Variants in SCG5 observed in about 807,000 individuals in gnomAD.
The protein encoded by SCG5 is neuroendocrine protein 7B2.
Under a neutral mutation model 25.7 loss-of-function variants are expected in SCG5, and 18 were observed. The observed-to-expected ratio is 0.70, with a 90% CI of 0.48 to 1.04. The LOEUF (loss-of-function observed/expected upper bound fraction) is 1.04. SCG5 is among the 50% of genes least tolerant of loss of function. The pLI is 0.00. For missense variants in SCG5, 206 were observed against 259.8 expected (o/e 0.79, Z 1.42); for synonymous variants, 101 against 91.7 (o/e 1.10, Z -0.58).
At chr15:32,665,673 T>G (rs963637868) in intron 2 of SCG5, 1 of 152,194 alleles carries the variant, frequency 6.6e-6, no homozygotes, top group Non-Finnish European at 1.5e-5. Flanking sequence ...TCGTGGCAGT[T>G]TCACTGTCTT....
At chr15:32,679,984 C>A in intron 3 of SCG5, 69 bp downstream of exon 3, 1 of 1,368,702 alleles carries the variant, frequency 7.3e-7, no homozygotes, top group Non-Finnish European at 1.0e-6. Context: ...ATTCTAACAT[C>A]AGCTACAAAT....
intron 2 of SCG5, among the ~76,000 whole-genome samples, chr15:32,672,462 C>T (rs2054445530): frequency 6.6e-6 from 1 of 152,212 alleles, no homozygotes; most frequent in Non-Finnish European, 1.5e-5. Context: ...GAGGTGGGCA[C>T]TCAGGTGCGA....
At chr15:32,651,899 G>T (rs2054036399) in intron 2 of SCG5, among the ~76,000 whole-genome samples, 1 of 152,200 alleles carries the variant, frequency 6.6e-6, no homozygotes, top group South Asian at 2.1e-4. Context: ...GAGAAGTCTG[G>T]GAGAAGGAAG....
intron 5 of SCG5, among the ~76,000 whole-genome samples, chr15:32,692,759 T>C (rs1286343002): frequency 3.3e-5 from 5 of 152,224 alleles, no homozygotes. Flanking sequence ...GTGGCCATTC[T>C]GAAGGGTTTT....
At chr15:32,663,031 GAA>G (rs1491170579) in intron 2 of SCG5, among the ~76,000 whole-genome samples, 31 of 44,802 alleles carry the variant, frequency 6.9e-4, no homozygotes, top group Admixed American at 1.2e-3. Flanking sequence ...TAAAAAAAAA[GAA>G]TATATATATA....
chr15:32,659,127 G>A (rs1216707442), intron 2 of SCG5, among the ~76,000 whole-genome samples: 1 of 152,070 alleles, frequency 6.6e-6, no homozygotes, highest in Non-Finnish European at 1.5e-5. Context: ...AGTGAGCCGA[G>A]ATGGCGCCAC....
intron 3 of SCG5, among the ~76,000 whole-genome samples, chr15:32,683,267 T>C (rs1353264874): frequency 2.0e-5 from 3 of 152,122 alleles, no homozygotes; most frequent in Non-Finnish European, 4.4e-5. Flanking sequence ...CCTTTCAGCA[T>C]TGACTTTGAT....
At chr15:32,650,895 A>G (rs2054021702) in intron 2 of SCG5, among the ~76,000 whole-genome samples, 1 of 152,160 alleles carries the variant, frequency 6.6e-6, no homozygotes, top group Admixed American at 6.5e-5. Context: ...CATATTGCCA[A>G]ACATTAAAAT....
intron 2 of SCG5, among the ~76,000 whole-genome samples, chr15:32,667,345 T>A (rs1191251368): frequency 2.7e-5 from 4 of 150,580 alleles, no homozygotes; most frequent in Non-Finnish European, 4.5e-5. Flanking sequence ...TTTTTAAAGA[T>A]AAGTTTGGTG....
chr15:32,643,647 T>A lies in SCG5; in HGVS notation c.55T>A (p.Ser19Thr). ...MLSGLLFWLA[S>T]GWTPAFAYSP... ...ATCTGGCCTACTGTTTTGGCTGGCA[T>A]CTGGATGGACTCCAGCATTTGCTTA... The change falls in exon 2 of 6, where the codon TCT (serine) becomes ACT (threonine). Residue 19 changes from serine to threonine, a missense_variant. Ser to Thr is a moderately conservative substitution (Grantham distance 58, BLOSUM62 1). Transcript: ENST00000300175. 6.2e-7 allele frequency: 1 copy of A among 1,614,012 alleles called. No homozygotes were observed. Among genetic ancestry groups the A allele is most frequent in the Non-Finnish European group, 8.5e-7 (1 of 1,179,896 alleles).
chr15:32,681,379 C>G (rs1344959743), intron 3 of SCG5, among the ~76,000 whole-genome samples: 1 of 152,040 alleles, frequency 6.6e-6, no homozygotes, highest in African/African-American at 2.4e-5. Flanking sequence ...AGACTCAAAC[C>G]CAAGTCTACC....
chr15:32,671,007 C>G (rs372225079), intron 2 of SCG5, among the ~76,000 whole-genome samples: 12 of 152,130 alleles, frequency 7.9e-5, no homozygotes, highest in African/African-American at 2.7e-4. Flanking sequence ...TTATTACATA[C>G]CAGGTACTGA....
At chr15:32,683,340 A>G in intron 3 of SCG5, among the ~76,000 whole-genome samples, 1 of 152,098 alleles carries the variant, frequency 6.6e-6, no homozygotes, top group East Asian at 1.9e-4. Context: ...AAAATTCACA[A>G]TCCCTCCTCT....
intron 4 of SCG5, 33 bp from the exon 5 acceptor site, chr15:32,691,677 T>C: frequency 1.3e-6 from 2 of 1,546,728 alleles, no homozygotes; most frequent in Non-Finnish European, 1.8e-6. Context: ...TCCATACTTC[T>C]GCATTTTTTG....
chr15:32,643,986 C>A (rs2053906253), intron 2 of SCG5, among the ~76,000 whole-genome samples, 168 bp downstream of exon 2: 1 of 152,288 alleles, frequency 6.6e-6, no homozygotes, highest in Admixed American at 6.5e-5. Context: ...TCCCTTTCTT[C>A]TTCTACACAG....
chr15:32,688,575 C>G (rs2054768065), intron 4 of SCG5, among the ~76,000 whole-genome samples: 1 of 152,164 alleles, frequency 6.6e-6, no homozygotes. Context: ...CATCAGCAAG[C>G]ACATGATGTC....
intron 2 of SCG5, among the ~76,000 whole-genome samples, chr15:32,678,031 G>A (rs2054558817): frequency 6.6e-6 from 1 of 152,066 alleles, no homozygotes; most frequent in Non-Finnish European, 1.5e-5. Flanking sequence ...AATGCTGGTG[G>A]GATAATTGAT....
intron 2 of SCG5, among the ~76,000 whole-genome samples, chr15:32,658,943 G>A (rs879733708): frequency 6.6e-6 from 1 of 152,170 alleles, no homozygotes; most frequent in Non-Finnish European, 1.5e-5. Context: ...TTGGGAGGCC[G>A]AGGCGGGTGG....
intron 4 of SCG5, among the ~76,000 whole-genome samples, chr15:32,686,401 G>A (rs538690784): frequency 6.6e-6 from 1 of 152,274 alleles, no homozygotes; most frequent in South Asian, 2.1e-4. Flanking sequence ...TGTGAACACC[G>A]TGAAGAAGGG....
Sources: allele counts gnomAD v4.1 joint callset (sites outside exome capture counted in the v4.1 genomes callset), GRCh38; gene constraint gnomAD v4.1.1; transcripts MANE v1.5; gene names NCBI Gene and HGNC (gene_info 2026-07-23, HGNC 2026-07-21).